ITPR3: variants seen among roughly 807,000 people sequenced by gnomAD.
ITPR3 encodes inositol 1,4,5-trisphosphate receptor type 3.
Under a neutral mutation model 293.2 loss-of-function variants are expected in ITPR3, and 173 were observed. The observed-to-expected ratio is 0.59, with a 90% CI of 0.52 to 0.67. The LOEUF is 0.67. Ranked by LOEUF, ITPR3 falls within the 30% of genes least tolerant of loss-of-function variation. ITPR3 has a pLI of 0.00. For synonymous variants in ITPR3, 1,295 were observed against 1,444.4 expected (o/e 0.90, Z 2.35); for missense variants, 2,796 against 3,592.1 (o/e 0.78, Z 5.66).
intron 1 of ITPR3, among the ~76,000 whole-genome samples, chr6:33,630,576 C>G (rs548858440): frequency 1.3e-5 from 2 of 152,286 alleles, no homozygotes; most frequent in South Asian, 4.1e-4. Context: ...GATATGTCCT[C>G]CCATGCACCC....
At chr6:33,639,714 A>G (rs543021107) in intron 1 of ITPR3, among the ~76,000 whole-genome samples, 1 of 151,780 alleles carries the variant, frequency 6.6e-6, no homozygotes, top group African/African-American at 2.4e-5. Flanking sequence ...GGGTGGATGG[A>G]TGGGTGCATG....
At chr6:33,695,464 G>A (rs12190155) in intron 57 of ITPR3, 94,175 of 574,654 alleles carry the variant, frequency 0.16, 8,720 homozygotes, top group Middle Eastern at 0.21. Context: ...TGAAGATGAG[G>A]CAGCCTCTGT....
In ITPR3 at chr6:33,680,087, T is replaced by C; in HGVS notation, c.4178T>C (p.Leu1393Pro). 6.2e-7 allele frequency: 1 copy of C among 1,613,572 alleles called. No individual in the cohort carries two copies. Among genetic ancestry groups the C allele is most frequent in the Non-Finnish European group, 8.5e-7 (1 of 1,179,994 alleles). Residue 1393 changes from leucine (L) to proline (P), a missense_variant, in exon 31 of 58, where the codon CTG becomes CCG. By Grantham distance (98) the Leu-to-Pro change is moderately conservative. Around this residue, in one of 8 missense-constraint regions of ITPR3, gnomAD observed 344 missense variants for 460.3 expected, o/e 0.75. Coordinates refer to ENST00000605930, the MANE Select transcript of ITPR3 (RefSeq NM_002224.4). ...TEIKCTSLLPLEDVVSVVTHE... is the reference protein window; with the variant it reads ...TEIKCTSLLPPEDVVSVVTHE... ...ATCAAGTGCACCTCCCTGCTGCCGC[T>C]GGAGGACGTGGTGTCTGTGGTGACG...
Position 33,693,676 on chromosome 6 carries a change from C to T in ITPR3, c.7756C>T (p.Pro2586Ser). The T allele has an allele frequency of 6.2e-7, 1 of 1,614,166 alleles. No individual in the cohort carries two copies. The highest frequency in any genetic ancestry group is 8.5e-7 in the Non-Finnish European group (1 of 1,180,022). ...GAAGAACAAGACCGACTACACGGGC[C>T]CTGAGAGCTACGTGGCCCAGATGAT... ...RVKNKTDYTG[P>S]ESYVAQMIKN... is the part of the protein sequence containing the mutation. Residue 2586 changes from proline to serine, a missense_variant, in exon 56 of 58, where the codon CCT (proline) becomes TCT (serine). Coordinates refer to ENST00000605930, the MANE Select transcript of ITPR3 (RefSeq NM_002224.4).
chr6:33,671,061 C>G, intron 20 of ITPR3, 104 bp from the exon 21 acceptor site: 1 of 1,538,816 alleles, frequency 6.5e-7, no homozygotes, highest in Non-Finnish European at 8.8e-7. Context: ...GTCCTCATGA[C>G]GCCCCTTTCG....
Position 33,666,994 on chromosome 6 carries a change from T to C in ITPR3, c.1552-135T>C. ...GGCTGGGCTGGGGTTGTGGTCCAGC[T>C]TAGAATCAGCTCGAAGCTGATGTCC... On this transcript the variant is annotated intron_variant, in intron 14 of 57. Transcript: ENST00000605930. The surrounding 1 kb of genome is among the most constrained non-coding windows in gnomAD (Gnocchi z 5.1). The C allele has an allele frequency of 9.4e-7, 1 of 1,066,662 alleles. No homozygotes were observed. Among genetic ancestry groups the C allele is most frequent in the Middle Eastern group, 2.2e-4 (1 of 4,514 alleles). 66.1% of individuals were successfully genotyped at this position (1,066,662 alleles called of 1,614,324 possible).
At position 33,675,593 on chromosome 6, in the gene ITPR3, GT is replaced by G; in HGVS notation, c.3117-97del. Reference sequence around the variant, plus strand: ...GACTGGCCCTGCATCTGCTAATTGGGTGGCGGAGAGTGTGCTTGTGCCAGGG... The same window carrying G: ...GACTGGCCCTGCATCTGCTAATTGGGGGCGGAGAGTGTGCTTGTGCCAGGG... On this transcript the variant is annotated intron_variant, in intron 24 of 57. Coordinates refer to ENST00000605930, the MANE Select transcript of ITPR3 (RefSeq NM_002224.4). This position sits in a 1 kb window ranked among gnomAD's most constrained non-coding sequence, Gnocchi z 5.0. The G allele has an allele frequency of 7.5e-7, 1 of 1,331,032 alleles. No individual in the cohort carries two copies. 82.5% of individuals were successfully genotyped at this position (1,331,032 alleles called of 1,614,324 possible).
intron 55 of ITPR3, among the ~76,000 whole-genome samples, 154 bp downstream of exon 55, chr6:33,693,047 A>G (rs1029076274): frequency 3.9e-5 from 6 of 152,190 alleles, no homozygotes; most frequent in Admixed American, 2.6e-4. Flanking sequence ...TGGGGAGAAC[A>G]TGACCCTGCC....
rs1764675082 is a variant in ITPR3, at chr6:33,668,579, C to T, written c.1951C>T (p.Leu651Phe). ...NHIAIPVTQE[L>F]ICKCVLDPKN... ...CATCGCCATCCCCGTCACCCAAGAG[C>T]TCATCTGCAAGTGTGTGCTGGACCC... The change falls in exon 17 of 58, where the codon CTC (leucine) becomes TTC (phenylalanine). Residue 651 changes from leucine to phenylalanine, a missense_variant. Leu to Phe is a conservative substitution (Grantham distance 22, BLOSUM62 0). Coordinates refer to ENST00000605930, the MANE Select transcript of ITPR3 (RefSeq NM_002224.4). The T allele has an allele frequency of 6.2e-7, 1 of 1,614,242 alleles. No homozygotes were observed. The highest frequency in any genetic ancestry group is 8.5e-7 in the Non-Finnish European group (1 of 1,180,042).
At chr6:33,686,027 G>T in intron 41 of ITPR3, 26 bp from the exon 42 acceptor site, 1 of 1,612,712 alleles carries the variant, frequency 6.2e-7, no homozygotes, top group Non-Finnish European at 8.5e-7. Context: ...TAGCTGTGCT[G>T]TGCCCAACCC....
intron 33 of ITPR3, among the ~76,000 whole-genome samples, chr6:33,681,669 T>C (rs1441001430): frequency 6.6e-6 from 1 of 152,008 alleles, no homozygotes; most frequent in African/African-American, 2.4e-5. Flanking sequence ...CCTAGGGGCA[T>C]AGGAGCTGGG....
At position 33,693,617 on chromosome 6, in the gene ITPR3, G is replaced by C. The variant is rs754712361; in HGVS notation, c.7697G>C (p.Trp2566Ser). Residue 2566 changes from tryptophan to serine, a missense_variant, in exon 56 of 58, where the codon TGG becomes TCG. Trp to Ser is a radical substitution (Grantham distance 177). Coordinates refer to ENST00000605930, the MANE Select transcript of ITPR3 (RefSeq NM_002224.4). ...CACATCAAGCTGGAGCACAACATGT[G>C]GAACTACTTGTACTTCATTGTGCTG... ...EEHIKLEHNM[W>S]NYLYFIVLVR... The C allele has an allele frequency of 5.0e-6, 8 of 1,614,184 alleles. No homozygotes were observed. The South Asian group carries it at 8.8e-5, about 18-fold the overall frequency.
In ITPR3 at chr6:33,624,085, C is replaced by T. The variant is rs1246842234; in HGVS notation, c.89+2394C>T. On this transcript the variant is annotated intron_variant, in intron 1 of 57. Transcript: ENST00000605930. The surrounding 1 kb of genome is among the most constrained non-coding windows in gnomAD (Gnocchi z 4.7). ...AAGTCTCCACCTGGGTAAATCTGTC[C>T]CACCCTCTAAGGCTTAATGCAAAGT... 2.0e-5 allele frequency among the ~76,000 whole-genome samples: 3 copies of T among 152,198 alleles called. No individual in the cohort carries two copies. The highest frequency in any genetic ancestry group is 4.4e-5 in the Non-Finnish European group (3 of 68,028).
intron 28 of ITPR3, 138 bp from the exon 29 acceptor site, chr6:33,678,283 C>A: frequency 8.3e-7 from 1 of 1,200,046 alleles, no homozygotes. Context: ...GACCTGGGGG[C>A]CCCACTTTCC....
chr6:33,654,259 C>T lies in ITPR3; in HGVS notation c.161-1507C>T, dbSNP rs1409047111. 6.6e-6 allele frequency among the ~76,000 whole-genome samples: 1 copy of T among 151,806 alleles called. No individual in the cohort carries two copies. ...CTCCAGCCTGAGCTACAGAGTGAGA[C>T]CGTGTCTCAAAAAAAATAAGAAAAA... On this transcript the variant is annotated intron_variant, in intron 2 of 57. Transcript: ENST00000605930. The surrounding 1 kb of genome is among the most constrained non-coding windows in gnomAD (Gnocchi z 4.1).
chr6:33,667,811 T>A lies in ITPR3; in HGVS notation c.1733T>A (p.Phe578Tyr). The A allele has an allele frequency of 6.2e-7, 1 of 1,614,050 alleles. No homozygotes were observed. Among genetic ancestry groups the A allele is most frequent in the South Asian group, 1.1e-5 (1 of 91,076 alleles). ...RKNQEHIAKQ[F>Y]GMMQSQIGYD... is the part of the protein sequence containing the mutation. ...CCCCAGGAGCACATTGCCAAGCAGT[T>A]TGGGATGATGCAGTCCCAGATTGGC... Residue 578 changes from phenylalanine (F) to tyrosine (Y), a missense_variant, in exon 16 of 58, where the codon TTT becomes TAT. Physicochemically the swap from Phe to Tyr is conservative, Grantham distance 22. This residue lies in a region of ITPR3 where 955 missense variants were observed against 1,180.8 expected (regional missense o/e 0.81). Transcript: ENST00000605930. The surrounding 1 kb of genome is among the most constrained non-coding windows in gnomAD (Gnocchi z 4.4).
Position 33,667,280 on chromosome 6 carries a change from G to T in ITPR3, c.1703G>T (p.Arg568Leu). Residue 568 changes from arginine to leucine, a missense_variant, in exon 15 of 58, where the codon CGC becomes CTC. By Grantham distance (102) the Arg-to-Leu change is moderately radical. Transcript: ENST00000605930. This position sits in a 1 kb window ranked among gnomAD's most constrained non-coding sequence, Gnocchi z 4.4. ...RVLRHSQEDY[R>L]KNQEHIAKQF... The stretch of plus-strand genomic sequence containing the variant: ...TTGCGGCATTCCCAGGAGGACTACC[G>T]CAAGAACCAGGTGCGCCGCTGCCCT... 6.2e-7 allele frequency: 1 copy of T among 1,612,052 alleles called. No individual in the cohort carries two copies. The highest frequency in any genetic ancestry group is 2.0e-4 in the Middle Eastern group (1 of 4,894).
intron 3 of ITPR3, among the ~76,000 whole-genome samples, chr6:33,657,629 G>A (rs949567612): frequency 6.6e-6 from 1 of 151,994 alleles, no homozygotes; most frequent in South Asian, 2.1e-4. Flanking sequence ...GGGATTGCGG[G>A]GGATGCTCAA....
chr6:33,646,197 G>A (rs1281673829), intron 2 of ITPR3, among the ~76,000 whole-genome samples: 1 of 151,756 alleles, frequency 6.6e-6, no homozygotes, highest in East Asian at 1.9e-4. Context: ...CATGATCTAG[G>A]ATCCCCCACT....
Sources: allele counts gnomAD v4.1 joint callset (sites outside exome capture counted in the v4.1 genomes callset), GRCh38; gene constraint gnomAD v4.1.1; regional missense constraint gnomAD v4.1.1; non-coding constraint Gnocchi (gnomAD v3.1); transcripts MANE v1.5; gene names NCBI Gene and HGNC (gene_info 2026-07-23, HGNC 2026-07-21).